The following ZC3H18 variants were observed in gnomAD, a reference collection of about 807,000 sequenced individuals.
ZC3H18 encodes zinc finger CCCH domain-containing protein 18.
ZC3H18 carries 8 observed loss-of-function variants against 106.1 expected under a neutral mutation model. That is an observed-to-expected ratio of 0.08 (90% confidence interval 0.04 to 0.14). ZC3H18 has a LOEUF of 0.14. ZC3H18 is among the 10% of genes least tolerant of loss of function. The pLI is 1.00. For missense variants in ZC3H18, 1,318 were observed against 1,278.4 expected (o/e 1.03, Z -0.47); for synonymous variants, 635 against 522.1 (o/e 1.22, Z -2.95).
chr16:88,575,644 T>C (rs1329243372), intron 1 of ZC3H18, among the ~76,000 whole-genome samples: 5 of 152,064 alleles, frequency 3.3e-5, no homozygotes, highest in Non-Finnish European at 7.4e-5. Context: ...AACTCGAAAA[T>C]ATTAACTTTA....
chr16:88,592,400 C>T (rs1915805957), intron 3 of ZC3H18, among the ~76,000 whole-genome samples: 2 of 152,248 alleles, frequency 1.3e-5, no homozygotes, highest in South Asian at 4.2e-4. Flanking sequence ...ATCTGTGAAC[C>T]CCTGGGAGTC....
In ZC3H18 at chr16:88,627,319, C is replaced by G. The variant is rs550596063; in HGVS notation, c.2109-303C>G. On this transcript the variant is annotated intron_variant, in intron 13 of 17. Transcript: ENST00000301011. This position sits in a 1 kb window ranked among gnomAD's most constrained non-coding sequence, Gnocchi z 4.5. ...TCCTGACATCAGTTCAGCTGGGTCT[C>G]AGACCCCATTGCTCGTGACGAGATC... 1.7e-4 allele frequency: 46 copies of G among 273,304 alleles called. No homozygotes were observed. In the South Asian group the frequency reaches 3.6e-3, roughly 21 times the overall value. The allele number at this position is 273,304 out of a possible 1,614,324, so 16.9% of individuals were successfully genotyped here.
At chr16:88,630,667 A>G (rs1906607755) in intron 17 of ZC3H18, 86 bp downstream of exon 17, 7 of 1,194,108 alleles carry the variant, frequency 5.9e-6, no homozygotes, top group South Asian at 5.3e-5. Context: ...CAGCAGGGCT[A>G]GCACTGGGCC....
At chr16:88,630,197 G>T in intron 16 of ZC3H18, 1 of 393,868 alleles carries the variant, frequency 2.5e-6, no homozygotes, top group Non-Finnish European at 4.6e-6. Flanking sequence ...AGACCCATGT[G>T]ATAAATTTCT....
chr16:88,583,468 G>A (rs1169712069), intron 2 of ZC3H18, among the ~76,000 whole-genome samples: 1 of 152,238 alleles, frequency 6.6e-6, no homozygotes, highest in African/African-American at 2.4e-5. Context: ...AGGGGAAGGC[G>A]AGCTTTGCAG....
intron 1 of ZC3H18, 110 bp from the exon 2 acceptor site, chr16:88,577,000 G>C: frequency 8.7e-7 from 1 of 1,155,256 alleles, no homozygotes; most frequent in East Asian, 2.5e-5. Flanking sequence ...GGGCAGGGCC[G>C]TGTGGGACCA....
Position 88,606,405 on chromosome 16 carries a change from G to T in ZC3H18, c.1089-2529G>T, listed in dbSNP as rs553645630. Among the ~76,000 whole-genome samples the T allele has an allele frequency of 8.5e-5, 13 of 152,322 alleles. No homozygotes were observed. The South Asian group carries it at 2.5e-3, about 29-fold the overall frequency. ...AATGCTGTGTGCCTCATTCCTATCCGCTCATCCACGACTTCCAGAAAGCCT... is the reference window on the plus strand; with the variant it reads ...AATGCTGTGTGCCTCATTCCTATCCTCTCATCCACGACTTCCAGAAAGCCT... On this transcript the variant is annotated intron_variant, in intron 6 of 17. Coordinates refer to ENST00000301011, the MANE Select transcript of ZC3H18 (RefSeq NM_144604.4).
rs776346256 is a variant in ZC3H18, at chr16:88,577,297, G to C, written c.174G>C (p.Pro58=). ...ATGAGGAAAGTGCAGCCAGGGGGCC[G>C]AGCCAGGAGGAGGAAGATAATCACT... ...LEDEESAARG[P]SQEEEDNHSD... is the part of the protein sequence containing the mutation. The change falls in exon 2 of 18, where the codon CCG becomes CCC. Residue 58 remains proline, a synonymous_variant. Transcript: ENST00000301011. 2 of 1,612,564 alleles carry C rather than the reference G, an allele frequency of 1.2e-6. No individual in the cohort carries two copies. Among genetic ancestry groups the C allele is most frequent in the Non-Finnish European group, 1.7e-6 (2 of 1,179,248 alleles).
At chr16:88,614,043 T>C (rs1193702360) in intron 8 of ZC3H18, among the ~76,000 whole-genome samples, 1 of 152,198 alleles carries the variant, frequency 6.6e-6, no homozygotes, top group African/African-American at 2.4e-5. Context: ...AGTTCCTTAT[T>C]GGGAAACAGC....
chr16:88,631,448 A>C lies in ZC3H18; in HGVS notation c.*149A>C. On this transcript the variant is annotated 3_prime_UTR_variant, in exon 18 of 18. Coordinates refer to ENST00000301011, the MANE Select transcript of ZC3H18 (RefSeq NM_144604.4). Reference sequence around the variant, plus strand: ...TTCTCAGCTGGAAAAGAAGCCACACAGGAAATGACAACGACGCTGAATCCC... The same window carrying C: ...TTCTCAGCTGGAAAAGAAGCCACACCGGAAATGACAACGACGCTGAATCCC... 4 of 1,109,500 alleles carry C rather than the reference A, an allele frequency of 3.6e-6. No homozygotes were observed. Among genetic ancestry groups the C allele is most frequent in the Non-Finnish European group, 5.1e-6 (4 of 778,326 alleles). 68.7% of individuals were successfully genotyped at this position (1,109,500 alleles called of 1,614,324 possible).
chr16:88,578,888 C>G (rs1441707514), intron 2 of ZC3H18, among the ~76,000 whole-genome samples: 1 of 152,138 alleles, frequency 6.6e-6, no homozygotes, highest in Non-Finnish European at 1.5e-5. Context: ...AGGTGTCGCC[C>G]TGTTGGCCAG....
intron 8 of ZC3H18, among the ~76,000 whole-genome samples, chr16:88,614,426 C>G (rs1041855985): frequency 3.3e-5 from 5 of 152,234 alleles, no homozygotes; most frequent in African/African-American, 1.2e-4. Flanking sequence ...GTCATCTACG[C>G]TTTTCTGAAA....
intron 2 of ZC3H18, among the ~76,000 whole-genome samples, chr16:88,585,841 G>T (rs1344853198): frequency 6.6e-6 from 1 of 152,106 alleles, no homozygotes; most frequent in African/African-American, 2.4e-5. Flanking sequence ...TTACGCTAGG[G>T]CTGGCTGGAA....
Position 88,630,511 on chromosome 16 carries a change from A to G in ZC3H18, c.2593A>G (p.Arg865Gly). 6.2e-7 allele frequency: 1 copy of G among 1,613,500 alleles called. No homozygotes were observed. The highest frequency in any genetic ancestry group is 8.5e-7 in the Non-Finnish European group (1 of 1,179,926). Reference sequence around the variant, plus strand: ...TTCTCGGGACCGGAAGTCAGGTGGGAGACTGGGCTCCCCGAAGCCAGAGCG... The same window carrying G: ...TTCTCGGGACCGGAAGTCAGGTGGGGGACTGGGCTCCCCGAAGCCAGAGCG... ...RGSRDRKSGGRLGSPKPERQR... is the reference protein window; with the variant it reads ...RGSRDRKSGGGLGSPKPERQR... The change falls in exon 17 of 18, where the codon AGA becomes GGA. Residue 865 changes from arginine (R) to glycine (G), a missense_variant. This residue lies in a region of ZC3H18 where 848 missense variants were observed against 821.7 expected (regional missense o/e 1.03). Coordinates refer to ENST00000301011, the MANE Select transcript of ZC3H18 (RefSeq NM_144604.4).
rs71391393 is a variant in ZC3H18, at chr16:88,582,219, C to CTTTTTTTTTTTTTTTTTTTTT, written c.604-4378_604-4358dup. On this transcript the variant is annotated intron_variant, in intron 2 of 17. Coordinates refer to ENST00000301011, the MANE Select transcript of ZC3H18 (RefSeq NM_144604.4). ...TAAATCCACCTTTCCTTTTTCTTTT[C>CTTTTTTTTTTTTTTTTTTTTT]TTTTTTTTTTTTTTTTTTTTTTTGA... 5.2e-5 allele frequency among the ~76,000 whole-genome samples: 4 copies of CTTTTTTTTTTTTTTTTTTTTT among 77,194 alleles called. 1 individual carries two copies. The highest frequency in any genetic ancestry group is 6.7e-5 in the Non-Finnish European group (3 of 45,102). 50.6% of individuals were successfully genotyped at this position (77,194 alleles called of 152,430 possible).
intron 2 of ZC3H18, among the ~76,000 whole-genome samples, chr16:88,580,668 G>A (rs1209063728): frequency 1.3e-5 from 2 of 152,002 alleles, no homozygotes; most frequent in South Asian, 2.1e-4. Flanking sequence ...TTCCTGCCCC[G>A]CGCCCTGCTC....
At chr16:88,622,901 CAGAT>C (rs1567598071) in intron 9 of ZC3H18, 2 of 374,412 alleles carry the variant, frequency 5.3e-6, no homozygotes, top group Non-Finnish European at 9.9e-6. Flanking sequence ...TGCAGATGAA[CAGAT>C]AGACACACAC....
chr16:88,590,780 G>A (rs1188297634), intron 3 of ZC3H18, among the ~76,000 whole-genome samples: 6 of 151,284 alleles, frequency 4.0e-5, no homozygotes, highest in African/African-American at 1.5e-4. Context: ...GGCTGGTCTC[G>A]AACCCCTGAC....
chr16:88,570,643 C>G (rs1597311259), intron 1 of ZC3H18, 77 bp downstream of exon 1: 1 of 150,694 alleles, frequency 6.6e-6, no homozygotes, highest in East Asian at 1.9e-4. Flanking sequence ...GCGGCGGCGG[C>G]GGCCGCGGGA....
Sources: gnomAD v4.1 joint callset for allele counts (sites outside exome capture counted in the v4.1 genomes callset) on GRCh38, gnomAD v4.1.1 for gene constraint, gnomAD v4.1.1 regional missense constraint, Gnocchi (gnomAD v3.1) non-coding constraint, MANE v1.5 for transcripts, NCBI Gene and HGNC (gene_info 2026-07-23, HGNC 2026-07-21) for gene names.